Variants in TTC7B observed in about 807,000 individuals in gnomAD.
TTC7B encodes the protein tetratricopeptide repeat domain 7B.
A neutral mutation model predicts 106.8 loss-of-function variants in TTC7B; 28 were observed. The observed-to-expected ratio is 0.26, with a 90% CI of 0.19 to 0.36. The LOEUF (loss-of-function observed/expected upper bound fraction) is 0.36, where lower values mean the gene tolerates loss of function less well. Among genes scored for constraint, TTC7B ranks in the 10% least tolerant of loss-of-function variants. The probability of loss-of-function intolerance (pLI) is 1.00; values close to 1 mark genes in which losing one functional copy is unlikely to be tolerated. For missense variants in TTC7B, 862 were observed against 1,076.4 expected (o/e 0.80, Z 2.79); for synonymous variants, 405 against 430.6 (o/e 0.94, Z 0.74).
At chr14:90,622,002 T>C (rs1349198916) in intron 15 of TTC7B, among the ~76,000 whole-genome samples, 1 of 152,106 alleles carries the variant, frequency 6.6e-6, no homozygotes, top group Non-Finnish European at 1.5e-5. Flanking sequence ...ATGGAAAAAC[T>C]TGGGAAAAGT....
At chr14:90,811,824 A>C (rs1373507591) in intron 1 of TTC7B, among the ~76,000 whole-genome samples, 1 of 152,208 alleles carries the variant, frequency 6.6e-6, no homozygotes, top group East Asian at 1.9e-4. Flanking sequence ...AGCTTGCCTA[A>C]GAAGATTAAC....
intron 15 of TTC7B, among the ~76,000 whole-genome samples, chr14:90,626,936 G>A (rs560691553): frequency 6.6e-6 from 1 of 152,192 alleles, no homozygotes; most frequent in South Asian, 2.1e-4. Flanking sequence ...CTTCTGTCTG[G>A]GAGTTATTTA....
At chr14:90,714,161 C>T (rs893219587) in intron 5 of TTC7B, among the ~76,000 whole-genome samples, 7 of 150,986 alleles carry the variant, frequency 4.6e-5, no homozygotes, top group Admixed American at 6.6e-5. Context: ...ATCCAGGAGG[C>T]GGAGTTTGCA....
intron 1 of TTC7B, among the ~76,000 whole-genome samples, chr14:90,806,953 T>C (rs1296820965): frequency 1.3e-5 from 2 of 152,076 alleles, no homozygotes; most frequent in Admixed American, 1.3e-4. Flanking sequence ...ACTCACTCAC[T>C]TGAGGCCAGA....
At chr14:90,603,925 G>C (rs192197973) in intron 17 of TTC7B, among the ~76,000 whole-genome samples, 2 of 152,316 alleles carry the variant, frequency 1.3e-5, no homozygotes, top group African/African-American at 4.8e-5. Context: ...GACACTCCCT[G>C]AGGATGGAAA....
intron 1 of TTC7B, among the ~76,000 whole-genome samples, chr14:90,806,037 G>A (rs1036298960): frequency 2.0e-5 from 3 of 152,096 alleles, no homozygotes; most frequent in Admixed American, 1.3e-4. Flanking sequence ...TACTTGACAC[G>A]AACACAAAAA....
chr14:90,615,081 C>G (rs1039271542), intron 16 of TTC7B, among the ~76,000 whole-genome samples: 3 of 152,174 alleles, frequency 2.0e-5, no homozygotes, highest in African/African-American at 7.2e-5. Flanking sequence ...AGAATGCCAC[C>G]CACCATTTTG....
At chr14:90,558,880 C>T (rs1319297677) in intron 19 of TTC7B, among the ~76,000 whole-genome samples, 1 of 152,194 alleles carries the variant, frequency 6.6e-6, no homozygotes, top group East Asian at 1.9e-4. Context: ...AAACTCAGGC[C>T]CAGGGCTGGA....
In TTC7B at chr14:90,679,214, C is replaced by T. The variant is rs557625213; in HGVS notation, c.1014+1258G>A. On this transcript the variant is annotated intron_variant, in intron 8 of 19. Coordinates refer to ENST00000328459, the MANE Select transcript of TTC7B (RefSeq NM_001010854.2). The stretch of plus-strand genomic sequence containing the variant: ...TAAGCCCAATGACACCAAAGAGCCT[C>T]CAGATCAAAAGAGGTGGTAACTCAA... Among the ~76,000 whole-genome samples, 5 of 152,306 alleles carry T rather than the reference C, an allele frequency of 3.3e-5. No individual in the cohort carries two copies. In the South Asian group the frequency reaches 8.3e-4, roughly 25 times the overall value.
intron 18 of TTC7B, among the ~76,000 whole-genome samples, chr14:90,587,891 T>C (rs1490670863): frequency 6.6e-6 from 1 of 152,214 alleles, no homozygotes; most frequent in Non-Finnish European, 1.5e-5. Flanking sequence ...AGTGACCTGA[T>C]AGCTGTGTCT....
chr14:90,797,489 G>A (rs535838770), intron 1 of TTC7B, among the ~76,000 whole-genome samples: 3 of 151,192 alleles, frequency 2.0e-5, no homozygotes, highest in South Asian at 4.2e-4. Context: ...TGACCAGAGT[G>A]AACTCCAGCT....
At chr14:90,760,677 G>C (rs72695511) in intron 3 of TTC7B, among the ~76,000 whole-genome samples, 19,229 of 152,232 alleles carry the variant, frequency 0.13, 1,674 homozygotes, top group Middle Eastern at 0.24. Flanking sequence ...AGAGCCCTGG[G>C]GGGCATTGTG....
intron 17 of TTC7B, among the ~76,000 whole-genome samples, chr14:90,597,494 C>T (rs1235819561): frequency 6.6e-6 from 1 of 152,034 alleles, no homozygotes; most frequent in Non-Finnish European, 1.5e-5. Flanking sequence ...CCTGTCTCTA[C>T]TAAAAATACA....
At position 90,695,056 on chromosome 14, in the gene TTC7B, T is replaced by TTATTTTATTATAAAATA. The variant is rs1566840725; in HGVS notation, c.777+427_777+443dup. Among the ~76,000 whole-genome samples the TTATTTTATTATAAAATA allele has an allele frequency of 3.7e-4, 44 of 119,306 alleles. 2 individuals are homozygous for TTATTTTATTATAAAATA. Among genetic ancestry groups the TTATTTTATTATAAAATA allele is most frequent in the African/African-American group, 1.3e-3 (43 of 32,198 alleles). The allele number at this position is 119,306 out of a possible 152,430, so 78.3% of individuals were successfully genotyped here. On this transcript the variant is annotated intron_variant, in intron 6 of 19. Coordinates refer to ENST00000328459, the MANE Select transcript of TTC7B (RefSeq NM_001010854.2). ...TTTTTATTTTATTATAAAATATATT[T>TTATTTTATTATAAAATA]TATTTTATTATAAAATATATTTTAT...
In TTC7B at chr14:90,600,600, C is replaced by T. The variant is rs989133383; in HGVS notation, c.1967-6974G>A. ...AGCACCGTTTAAACCTGACAGCACACGTCTTGTCCTGAAAGGGGGAAGCTC... is the reference window on the plus strand; with the variant it reads ...AGCACCGTTTAAACCTGACAGCACATGTCTTGTCCTGAAAGGGGGAAGCTC... On this transcript the variant is annotated intron_variant, in intron 17 of 19. Transcript: ENST00000328459. The surrounding 1 kb of genome is among the most constrained non-coding windows in gnomAD (Gnocchi z 4.3). 2.0e-5 allele frequency among the ~76,000 whole-genome samples: 3 copies of T among 152,212 alleles called. No individual in the cohort carries two copies. Among genetic ancestry groups the T allele is most frequent in the East Asian group, 1.9e-4 (1 of 5,200 alleles).
intron 15 of TTC7B, among the ~76,000 whole-genome samples, chr14:90,625,778 G>A (rs149580270): frequency 1.2e-4 from 19 of 152,184 alleles, no homozygotes; most frequent in South Asian, 2.1e-4. Context: ...ATAATGTCAC[G>A]TGAATAATCG....
In TTC7B at chr14:90,813,689, G is replaced by A. The variant is rs1208927199; in HGVS notation, c.121+2486C>T. On this transcript the variant is annotated intron_variant, in intron 1 of 19. Transcript: ENST00000328459. ...ACTGTATTCTTTTTTTTTTTTTTTCGCCTGTGGTTGTTTTCATGGTAACTG... is the reference window on the plus strand; with the variant it reads ...ACTGTATTCTTTTTTTTTTTTTTTCACCTGTGGTTGTTTTCATGGTAACTG... Among the ~76,000 whole-genome samples, 35 of 100,744 alleles carry A rather than the reference G, an allele frequency of 3.5e-4. 1 individual carries two copies. Among genetic ancestry groups the A allele is most frequent in the African/African-American group, 1.0e-3 (31 of 29,884 alleles). 66.1% of individuals were successfully genotyped at this position (100,744 alleles called of 152,430 possible).
At chr14:90,755,118 A>T (rs1193308589) in intron 3 of TTC7B, among the ~76,000 whole-genome samples, 1 of 152,212 alleles carries the variant, frequency 6.6e-6, no homozygotes, top group Non-Finnish European at 1.5e-5. Flanking sequence ...CAGCTGATGA[A>T]CAATGGGGCT....
chr14:90,688,795 T>A (rs1047031687), intron 7 of TTC7B, among the ~76,000 whole-genome samples: 1 of 151,812 alleles, frequency 6.6e-6, no homozygotes, highest in African/African-American at 2.4e-5. Flanking sequence ...CCTGACTCTA[T>A]CTCAAAAAAA....
Sources: gnomAD v4.1 joint callset for allele counts (sites outside exome capture counted in the v4.1 genomes callset) on GRCh38, gnomAD v4.1.1 for gene constraint, Gnocchi (gnomAD v3.1) non-coding constraint, MANE v1.5 for transcripts, NCBI Gene and HGNC (gene_info 2026-07-23, HGNC 2026-07-21) for gene names.